The following PPP1R21 variants were observed in gnomAD, a reference collection of about 807,000 sequenced individuals.
PPP1R21 encodes the protein protein phosphatase 1 regulatory subunit 21.
PPP1R21 carries 85 observed loss-of-function variants against 112.8 expected under a neutral mutation model. The ratio of observed to expected loss-of-function variants is 0.75; its 90% CI spans 0.63 to 0.90. The LOEUF (loss-of-function observed/expected upper bound fraction) is 0.90, where lower values mean the gene tolerates loss of function less well. Among genes scored for constraint, PPP1R21 ranks in the 40% least tolerant of loss-of-function variants. PPP1R21 has a pLI of 0.00. For missense variants in PPP1R21, 1,199 were observed against 901.5 expected, an observed-to-expected ratio of 1.33 and a Z score of -4.23; for synonymous variants, 381 against 322.3, an observed-to-expected ratio of 1.18 and a Z score of -1.95.
intron 12 of PPP1R21, chr2:48,479,511 A>G: frequency 2.1e-6 from 1 of 475,552 alleles, no homozygotes; most frequent in Non-Finnish European, 4.3e-6. Flanking sequence ...AGGTCCACAG[A>G]GCTCCTCACG....
intron 9 of PPP1R21, among the ~76,000 whole-genome samples, chr2:48,469,262 TG>T (rs55812057): frequency 0.12 from 569 of 4,590 alleles, 11 homozygotes; most frequent in Non-Finnish European, 0.24. Context: ...ATATTTGAAT[TG>T]TGTGTGTGTG....
At chr2:48,499,499 A>G (rs1670002155) in intron 17 of PPP1R21, among the ~76,000 whole-genome samples, 1 of 152,176 alleles carries the variant, frequency 6.6e-6, no homozygotes, top group Admixed American at 6.5e-5. Flanking sequence ...GAGGTGGGTG[A>G]ATCACTTGAA....
chr2:48,484,136 A>G (rs970349246), intron 13 of PPP1R21, among the ~76,000 whole-genome samples: 1 of 152,188 alleles, frequency 6.6e-6, no homozygotes, highest in Non-Finnish European at 1.5e-5. Flanking sequence ...CCCAAGATAT[A>G]AGCCCTGCGT....
chr2:48,506,320 C>T (rs933933565), intron 18 of PPP1R21, among the ~76,000 whole-genome samples: 1 of 152,166 alleles, frequency 6.6e-6, no homozygotes, highest in African/African-American at 2.4e-5. Context: ...TCTCAAACTC[C>T]TGAGTTCAGG....
At chr2:48,493,153 C>T (rs1256585268) in intron 15 of PPP1R21, among the ~76,000 whole-genome samples, 1 of 151,530 alleles carries the variant, frequency 6.6e-6, no homozygotes, top group Non-Finnish European at 1.5e-5. Flanking sequence ...CTACAGGTGC[C>T]CGCCACCACA....
intron 14 of PPP1R21, among the ~76,000 whole-genome samples, chr2:48,488,335 T>C (rs981564393): frequency 3.3e-5 from 5 of 152,224 alleles, no homozygotes; most frequent in African/African-American, 9.6e-5. Context: ...AAAGAGAGAA[T>C]GTTGGTATTT....
At chr2:48,488,524 G>A (rs1016931238) in intron 14 of PPP1R21, among the ~76,000 whole-genome samples, 1 of 152,062 alleles carries the variant, frequency 6.6e-6, no homozygotes, top group Admixed American at 6.6e-5. Context: ...CTGCCACCAT[G>A]CCTGGCTAAT....
At chr2:48,466,625 A>G (rs779890507) in intron 9 of PPP1R21, among the ~76,000 whole-genome samples, 2 of 152,060 alleles carry the variant, frequency 1.3e-5, no homozygotes, top group Non-Finnish European at 2.9e-5. Flanking sequence ...GTAGGTGGTA[A>G]TGTCTGGGAA....
intron 18 of PPP1R21, among the ~76,000 whole-genome samples, chr2:48,506,148 G>A (rs1670364299): frequency 6.6e-6 from 1 of 152,192 alleles, no homozygotes; most frequent in African/African-American, 2.4e-5. Context: ...ATACTGAAGT[G>A]CAGTGGCATG....
intron 14 of PPP1R21, among the ~76,000 whole-genome samples, chr2:48,488,144 T>C (rs1400371093): frequency 6.6e-6 from 1 of 152,166 alleles, no homozygotes; most frequent in East Asian, 1.9e-4. Context: ...CCACTTGCTA[T>C]AGCTTGGGGT....
At chr2:48,492,706 G>T (rs1282902924) in intron 15 of PPP1R21, among the ~76,000 whole-genome samples, 1 of 152,210 alleles carries the variant, frequency 6.6e-6, no homozygotes, top group Non-Finnish European at 1.5e-5. Flanking sequence ...TGGGCACTCT[G>T]AAGGATACTT....
At chr2:48,499,367 A>G (rs1331908067) in intron 17 of PPP1R21, among the ~76,000 whole-genome samples, 1 of 152,204 alleles carries the variant, frequency 6.6e-6, no homozygotes, top group East Asian at 1.9e-4. Context: ...CCATAAAAAC[A>G]TTTGTAATAT....
chr2:48,445,316 A>G (rs2103732431), intron 1 of PPP1R21, among the ~76,000 whole-genome samples: 1 of 152,170 alleles, frequency 6.6e-6, no homozygotes, highest in East Asian at 1.9e-4. Flanking sequence ...GAGTGCTTGA[A>G]ACGTAGCTAG....
Position 48,465,642 on chromosome 2 carries a change from G to A in PPP1R21, c.897G>A (p.Lys299=). The change falls in exon 9 of 22, where the codon AAG becomes AAA. Residue 299 remains lysine, a splice_region_variant and synonymous_variant. Transcript: ENST00000294952. ...ACACTATATCTCCATTGAATCAGAA[G>A]GTAAATTTAATTCAGGATACATTTT... ...AIDTISPLNQ[K]FSQYLHENAS... is the part of the protein sequence containing the mutation. The A allele has an allele frequency of 6.2e-7, 1 of 1,607,876 alleles. No individual in the cohort carries two copies. The highest frequency in any genetic ancestry group is 8.5e-7 in the Non-Finnish European group (1 of 1,178,308).
chr2:48,462,987 G>A (rs574491857), intron 7 of PPP1R21, among the ~76,000 whole-genome samples: 2 of 152,346 alleles, frequency 1.3e-5, no homozygotes, highest in African/African-American at 4.8e-5. Context: ...TGGTGATGCA[G>A]TTGACCGAAA....
At chr2:48,469,488 C>CATATATATATATATATATAGAGCATATAT (rs70943340) in intron 9 of PPP1R21, among the ~76,000 whole-genome samples, 2 of 44,766 alleles carry the variant, frequency 4.5e-5, no homozygotes, top group South Asian at 6.1e-4. Context: ...ATATATAGAG[C>CATATATATATATATATATAGAGCATATAT]ATATATATAT....
Position 48,461,119 on chromosome 2 carries a change from A to ATTT in PPP1R21, c.600-7_600-5dup. 4.7e-6 allele frequency: 7 copies of ATTT among 1,490,338 alleles called. No individual in the cohort carries two copies. In the Admixed American group the frequency reaches 7.2e-5, roughly 15 times the overall value. 92.3% of individuals were successfully genotyped at this position (1,490,338 alleles called of 1,614,324 possible). On this transcript the variant is annotated intron_variant, in intron 6 of 21. Transcript: ENST00000294952. ...GTGATTGGTGATAATGTGGTTTTGTATTTTTTTTTTTTTTGCAGTCAATTA... is the reference window on the plus strand; with the variant it reads ...GTGATTGGTGATAATGTGGTTTTGTATTTTTTTTTTTTTTTTTGCAGTCAATTA...
In PPP1R21 at chr2:48,469,535, T is replaced by TATAGAGAGAG. The variant is rs1553339307; in HGVS notation, c.898-1551_898-1550insTAGAGAGAGA. Among the ~76,000 whole-genome samples, 25 of 73,234 alleles carry TATAGAGAGAG rather than the reference T, an allele frequency of 3.4e-4. 1 individual carries two copies. The highest frequency in any genetic ancestry group is 1.3e-3 in the African/African-American group (23 of 17,464). 48.0% of individuals were successfully genotyped at this position (73,234 alleles called of 152,430 possible). ...ATATATATATATATATATATATATA[T>TATAGAGAGAG]AGAGCATATATATATATAGAGAGAG... On this transcript the variant is annotated intron_variant, in intron 9 of 21. Coordinates refer to ENST00000294952, the MANE Select transcript of PPP1R21 (RefSeq NM_001135629.3).
rs746795481 is a variant in PPP1R21, at chr2:48,493,011, CTTT to C, written c.1599+1862_1599+1864del. 4.1e-5 allele frequency among the ~76,000 whole-genome samples: 4 copies of C among 96,670 alleles called. No individual in the cohort carries two copies. The East Asian group carries it at 7.9e-4, about 19-fold the overall frequency. The allele number at this position is 96,670 out of a possible 152,430, so 63.4% of individuals were successfully genotyped here. On this transcript the variant is annotated intron_variant, in intron 15 of 21. Coordinates refer to ENST00000294952, the MANE Select transcript of PPP1R21 (RefSeq NM_001135629.3). The stretch of plus-strand genomic sequence containing the variant: ...TAAATTCTCTCTTTAGGTCATTTAC[CTTT>C]TTTTTTTTTTTTTTTTTTTTGAGAC...
Sources: gnomAD v4.1 joint callset for allele counts (sites outside exome capture counted in the v4.1 genomes callset) on GRCh38, gnomAD v4.1.1 for gene constraint, MANE v1.5 for transcripts, NCBI Gene and HGNC (gene_info 2026-07-23, HGNC 2026-07-21) for gene names.